The following SUFU variants were observed in gnomAD, a reference collection of about 807,000 sequenced individuals.
SUFU encodes the protein suppressor of fused homolog.
SUFU carries 7 observed loss-of-function variants against 58.9 expected under a neutral mutation model. The ratio of observed to expected loss-of-function variants is 0.12; its 90% confidence interval spans 0.07 to 0.22. The LOEUF (loss-of-function observed/expected upper bound fraction) is 0.22. Among genes scored for constraint, SUFU ranks in the 10% least tolerant of loss-of-function variants. The pLI is 1.00. For missense variants in SUFU, 451 were observed against 641.3 expected (o/e 0.70, Z 3.20); for synonymous variants, 232 against 254.8 (o/e 0.91, Z 0.85).
intron 2 of SUFU, among the ~76,000 whole-genome samples, chr10:102,538,580 CA>C (rs1463497655): frequency 6.6e-6 from 1 of 152,068 alleles, no homozygotes; most frequent in Non-Finnish European, 1.5e-5. Flanking sequence ...CAAAATTGAG[CA>C]GAAAGTACAG....
intron 2 of SUFU, among the ~76,000 whole-genome samples, chr10:102,534,943 G>T (rs2062718636): frequency 6.6e-6 from 1 of 152,122 alleles, no homozygotes; most frequent in African/African-American, 2.4e-5. Context: ...TGCACTTAGA[G>T]GGAGGCCACT....
At chr10:102,530,202 C>T (rs1175939293) in intron 2 of SUFU, among the ~76,000 whole-genome samples, 1 of 152,250 alleles carries the variant, frequency 6.6e-6, no homozygotes, top group East Asian at 1.9e-4. Flanking sequence ...TTGCTGGGCT[C>T]CTCTCTGGCA....
intron 2 of SUFU, among the ~76,000 whole-genome samples, chr10:102,516,125 C>CTTTTTTTTTTTTTTTTTTTTTT (rs60544094): frequency 3.5e-4 from 44 of 125,534 alleles, no homozygotes; most frequent in East Asian, 8.9e-4. Flanking sequence ...TCTTTCTTTT[C>CTTTTTTTTTTTTTTTTTTTTTT]TTTTTTTTTT....
chr10:102,633,210 G>C lies in SUFU; in HGVS notation c.*3055G>C. The C allele has an allele frequency of 4.3e-6, 1 of 233,286 alleles. No homozygotes were observed. The highest frequency in any genetic ancestry group is 6.0e-5 in the East Asian group (1 of 16,556). The allele number at this position is 233,286 out of a possible 1,614,324, so 14.5% of individuals were successfully genotyped here. ...CATCCATGCCAGGTGAGGTGCCTGG[G>C]TCCCTGTTACAAGTCAGGAGCCCTG... is the stretch of plus-strand genomic sequence containing the variant. On this transcript the variant is annotated 3_prime_UTR_variant, in exon 12 of 12. Transcript: ENST00000369902.
Position 102,615,392 on chromosome 10 carries a change from C to G in SUFU, c.1147C>G (p.Leu383Val), listed in dbSNP as rs991500079. The G allele has an allele frequency of 3.7e-6, 6 of 1,613,968 alleles. No individual in the cohort carries two copies. In the African/African-American group the frequency reaches 6.7e-5, roughly 18 times the overall value. The change falls in exon 9 of 12, where the codon CTC (leucine) becomes GTC (valine). Residue 383 changes from leucine to valine, a missense_variant. Physicochemically the swap from Leu to Val is conservative, Grantham distance 32. Coordinates refer to ENST00000369902, the MANE Select transcript of SUFU (RefSeq NM_016169.4). ...CCAGGAGTCCGGAGCCCTCATTCCT[C>G]TCTGCCTAAGGTGAGCGAGACAGCC... ...FNQESGALIPLCLRGRLLHGR... is the reference protein window; with the variant it reads ...FNQESGALIPVCLRGRLLHGR...
At chr10:102,618,159 T>C (rs988489473) in intron 10 of SUFU, 4 of 152,672 alleles carry the variant, frequency 2.6e-5, no homozygotes, top group Non-Finnish European at 5.8e-5. Flanking sequence ...GCATCCTTTT[T>C]TGGCATTTGT....
At chr10:102,511,431 A>G (rs2062399881) in intron 2 of SUFU, among the ~76,000 whole-genome samples, 1 of 152,118 alleles carries the variant, frequency 6.6e-6, no homozygotes, top group Non-Finnish European at 1.5e-5. Flanking sequence ...TTGAAAGAGT[A>G]GCAGGACTCG....
rs1211026296 is a variant in SUFU at position 102,592,670 on chromosome 10, G to A, written c.543G>A (p.Glu181=). 4 of 1,614,100 alleles carry A rather than the reference G, an allele frequency of 2.5e-6. No individual in the cohort carries two copies. The African/African-American group carries it at 5.3e-5, about 22-fold the overall frequency. The change falls in exon 4 of 12, where the codon GAG becomes GAA. Residue 181 remains glutamate (E), a synonymous_variant. Coordinates refer to ENST00000369902, the MANE Select transcript of SUFU (RefSeq NM_016169.4). ...GAATTCAGCACATGCTGCTGACAGA[G>A]GACCCACAGATGCAGCCCGTGCAGA... ...ESRIQHMLLT[E]DPQMQPVQTP...
chr10:102,521,253 T>C (rs1015573901), intron 2 of SUFU, among the ~76,000 whole-genome samples: 6 of 152,224 alleles, frequency 3.9e-5, no homozygotes, highest in African/African-American at 1.4e-4. Context: ...TGCTTGTCTG[T>C]CATCTGTATA....
intron 3 of SUFU, among the ~76,000 whole-genome samples, chr10:102,568,913 TATATATACAC>T (rs1331520523): frequency 0.025 from 189 of 7,498 alleles, 2 homozygotes; most frequent in African/African-American, 0.059. Flanking sequence ...TATATATATA[TATATATACAC>T]ATATATATAT....
intron 3 of SUFU, among the ~76,000 whole-genome samples, chr10:102,569,022 C>T (rs1477627185): frequency 6.9e-5 from 10 of 144,850 alleles, no homozygotes; most frequent in African/African-American, 2.6e-4. Flanking sequence ...ATAACAGGCC[C>T]CTCTAGGATA....
intron 3 of SUFU, among the ~76,000 whole-genome samples, chr10:102,557,248 AAAAG>A (rs1180548410): frequency 4.0e-5 from 6 of 151,786 alleles, no homozygotes; most frequent in East Asian, 1.9e-4. Context: ...AAAAAAAAGA[AAAAG>A]AAAATGGCAG....
chr10:102,525,327 C>T (rs1189028940), intron 2 of SUFU, among the ~76,000 whole-genome samples: 3 of 151,716 alleles, frequency 2.0e-5, no homozygotes, highest in African/African-American at 4.8e-5. Context: ...CCAGGCTGGC[C>T]TCAAACTCCC....
chr10:102,509,103 C>T (rs185072800), intron 1 of SUFU, 66 bp from the exon 2 acceptor site: 40 of 1,609,532 alleles, frequency 2.5e-5, no homozygotes, highest in African/African-American at 2.1e-4. Flanking sequence ...CAAAGTAGAG[C>T]GCCTTAGCTT....
chr10:102,535,327 A>C (rs1176607712), intron 2 of SUFU, among the ~76,000 whole-genome samples: 3 of 152,130 alleles, frequency 2.0e-5, no homozygotes, highest in Non-Finnish European at 4.4e-5. Flanking sequence ...TCTACTAAAA[A>C]TACAAAAAAT....
intron 2 of SUFU, among the ~76,000 whole-genome samples, chr10:102,530,304 A>G (rs2062662400): frequency 6.6e-6 from 1 of 152,054 alleles, no homozygotes. Flanking sequence ...AAAGATCGTG[A>G]GACTAAGAAT....
At chr10:102,513,381 A>C (rs2062425097) in intron 2 of SUFU, among the ~76,000 whole-genome samples, 1 of 152,204 alleles carries the variant, frequency 6.6e-6, no homozygotes, top group Non-Finnish European at 1.5e-5. Flanking sequence ...CTCTTCAGCA[A>C]AAAAGGAGCA....
intron 1 of SUFU, 83 bp downstream of exon 1, chr10:102,504,417 G>A: frequency 6.3e-7 from 1 of 1,576,924 alleles, no homozygotes; most frequent in South Asian, 1.1e-5. Flanking sequence ...TGTGGGAGGT[G>A]GGAGGAGGGG....
At chr10:102,614,239 G>A (rs1174471629) in intron 8 of SUFU, among the ~76,000 whole-genome samples, 1 of 152,132 alleles carries the variant, frequency 6.6e-6, no homozygotes, top group Non-Finnish European at 1.5e-5. Context: ...GGAAAGACAA[G>A]CCACTGTGCC....
Sources: allele counts gnomAD v4.1 joint callset (sites outside exome capture counted in the v4.1 genomes callset), GRCh38; gene constraint gnomAD v4.1.1; transcripts MANE v1.5; gene names NCBI Gene and HGNC (gene_info 2026-07-23, HGNC 2026-07-21).